SORCS3: variants seen among roughly 807,000 people sequenced by gnomAD.
SORCS3 encodes the protein sortilin related VPS10 domain containing receptor 3.
In SORCS3, 57 loss-of-function variants were observed where a neutral mutation model predicts 146.3. That is an observed-to-expected ratio of 0.39 (90% CI 0.31 to 0.49). SORCS3 has a LOEUF of 0.49. Ranked by LOEUF, SORCS3 falls within the 20% of genes least tolerant of loss-of-function variation. SORCS3 has a pLI of 0.92. For synonymous variants in SORCS3, 653 were observed against 618.5 expected (o/e 1.06, Z -0.83); for missense variants, 1,341 against 1,575.5 (o/e 0.85, Z 2.52).
chr10:104,877,564 G>A (rs1445868419), intron 2 of SORCS3, among the ~76,000 whole-genome samples: 1 of 152,108 alleles, frequency 6.6e-6, no homozygotes, highest in Non-Finnish European at 1.5e-5. Flanking sequence ...GCCTGAACTG[G>A]TCATAGGAGT....
intron 2 of SORCS3, among the ~76,000 whole-genome samples, chr10:104,890,005 T>A (rs1453349787): frequency 6.6e-6 from 1 of 152,224 alleles, no homozygotes; most frequent in Non-Finnish European, 1.5e-5. Flanking sequence ...AAATGTACTT[T>A]CTTATCATTT....
intron 3 of SORCS3, among the ~76,000 whole-genome samples, chr10:104,949,116 TA>T (rs900040305): frequency 6.6e-6 from 1 of 152,100 alleles, no homozygotes; most frequent in Non-Finnish European, 1.5e-5. Flanking sequence ...TTTTCATGCT[TA>T]AAAAAATCAA....
chr10:105,017,547 C>G (rs1392047718), intron 4 of SORCS3, among the ~76,000 whole-genome samples: 1 of 152,086 alleles, frequency 6.6e-6, no homozygotes, highest in Non-Finnish European at 1.5e-5. Flanking sequence ...CACTCATGGG[C>G]TTTATGGCTT....
At chr10:104,988,057 A>G (rs1243453841) in intron 4 of SORCS3, among the ~76,000 whole-genome samples, 1 of 152,140 alleles carries the variant, frequency 6.6e-6, no homozygotes, top group Non-Finnish European at 1.5e-5. Context: ...ATTATGTTGA[A>G]TTTTCATAAG....
intron 5 of SORCS3, among the ~76,000 whole-genome samples, chr10:105,053,106 C>G (rs2055423969): frequency 1.3e-5 from 2 of 152,038 alleles, no homozygotes; most frequent in Non-Finnish European, 2.9e-5. Flanking sequence ...AGAGAGAGGG[C>G]AAGCTCTCTG....
At chr10:104,983,426 G>T (rs577845371) in intron 4 of SORCS3, among the ~76,000 whole-genome samples, 1 of 152,290 alleles carries the variant, frequency 6.6e-6, no homozygotes, top group South Asian at 2.1e-4. Context: ...TGAAATGGAA[G>T]ATACGGCATG....
intron 1 of SORCS3, 70 bp from the exon 2 acceptor site, chr10:104,842,722 A>G (rs1219335902): frequency 8.3e-7 from 1 of 1,210,950 alleles, no homozygotes; most frequent in African/African-American, 1.6e-5. Flanking sequence ...TTGTTACACA[A>G]ACTAAAGTAA....
chr10:105,161,199 A>G (rs949394760), intron 11 of SORCS3, among the ~76,000 whole-genome samples: 2 of 152,156 alleles, frequency 1.3e-5, no homozygotes, highest in Non-Finnish European at 2.9e-5. Context: ...TGGGAGGGAT[A>G]TAACTCAGCT....
chr10:105,097,744 G>C (rs898963546), intron 6 of SORCS3, among the ~76,000 whole-genome samples: 1 of 152,118 alleles, frequency 6.6e-6, no homozygotes, highest in Non-Finnish European at 1.5e-5. Flanking sequence ...GAACAAAGCA[G>C]TAACAACAGA....
intron 14 of SORCS3, among the ~76,000 whole-genome samples, chr10:105,197,692 C>A (rs749539031): frequency 3.7e-4 from 57 of 152,142 alleles, no homozygotes; most frequent in Admixed American, 1.8e-3. Flanking sequence ...AAGTACCAAG[C>A]CCCATTTCTT....
At chr10:105,217,416 C>T (rs2056672139) in intron 19 of SORCS3, among the ~76,000 whole-genome samples, 1 of 152,206 alleles carries the variant, frequency 6.6e-6, no homozygotes, top group Non-Finnish European at 1.5e-5. Flanking sequence ...CTCCTCTCTT[C>T]CTTTTGGAGA....
At chr10:104,668,020 C>T (rs548621082) in intron 1 of SORCS3, among the ~76,000 whole-genome samples, 5 of 152,144 alleles carry the variant, frequency 3.3e-5, no homozygotes, top group African/African-American at 7.2e-5. Flanking sequence ...GAGTTCAAGG[C>T]GCCTTCGTGG....
intron 1 of SORCS3, among the ~76,000 whole-genome samples, chr10:104,763,348 A>C (rs1310391250): frequency 6.6e-6 from 1 of 152,232 alleles, no homozygotes; most frequent in Non-Finnish European, 1.5e-5. Flanking sequence ...GTACATTTTC[A>C]TGAAGCAAGC....
chr10:104,856,355 G>T (rs539356310), intron 2 of SORCS3, among the ~76,000 whole-genome samples: 48 of 150,192 alleles, frequency 3.2e-4, no homozygotes, highest in Non-Finnish European at 4.9e-4. Context: ...TATATATATA[G>T]AGAGAAAGAT....
intron 1 of SORCS3, among the ~76,000 whole-genome samples, chr10:104,803,983 C>T (rs2017653492): frequency 6.6e-6 from 1 of 152,180 alleles, no homozygotes; most frequent in South Asian, 2.1e-4. Flanking sequence ...AAGACTGAGA[C>T]CCAAGTCAGC....
chr10:104,654,985 G>T (rs1306927618), intron 1 of SORCS3, among the ~76,000 whole-genome samples: 3 of 152,178 alleles, frequency 2.0e-5, no homozygotes, highest in African/African-American at 7.2e-5. Flanking sequence ...GGTTGCATTG[G>T]CTCATGCCTG....
At chr10:105,009,539 A>AAC (rs1409249261) in intron 4 of SORCS3, among the ~76,000 whole-genome samples, 8 of 151,196 alleles carry the variant, frequency 5.3e-5, no homozygotes, top group Admixed American at 2.6e-4. Context: ...AAAAAAAAAA[A>AAC]AAAAAAAAAA....
chr10:104,800,732 G>A (rs558793665), intron 1 of SORCS3, among the ~76,000 whole-genome samples: 2 of 152,298 alleles, frequency 1.3e-5, no homozygotes, highest in Non-Finnish European at 2.9e-5. Flanking sequence ...CCAAATATGG[G>A]TGGAGTGAGA....
chr10:104,948,748 G>A (rs929982087), intron 3 of SORCS3, among the ~76,000 whole-genome samples: 1 of 152,122 alleles, frequency 6.6e-6, no homozygotes, highest in African/African-American at 2.4e-5. Context: ...CTTTTCTCAG[G>A]GGTTATCAAA....
Sources: gnomAD v4.1 joint callset for allele counts (sites outside exome capture counted in the v4.1 genomes callset) on GRCh38, gnomAD v4.1.1 for gene constraint, MANE v1.5 for transcripts, NCBI Gene and HGNC (gene_info 2026-07-23, HGNC 2026-07-21) for gene names.